ROBO1: variants seen among roughly 807,000 people sequenced by gnomAD.
ROBO1 encodes the protein roundabout guidance receptor 1, also known as roundabout homolog 1.
ROBO1 carries 149 observed loss-of-function variants against 195.9 expected under a neutral mutation model. The ratio of observed to expected loss-of-function variants is 0.76; its 90% CI spans 0.67 to 0.87. The LOEUF is 0.87. ROBO1 is among the 40% of genes least tolerant of loss of function. The probability of loss-of-function intolerance (pLI) is 0.00; values close to 1 mark genes in which losing one functional copy is unlikely to be tolerated. For synonymous variants in ROBO1, 816 were observed against 733.2 expected, an observed-to-expected ratio of 1.11 and a Z score of -1.82; for missense variants, 1,933 against 2,068.3, an observed-to-expected ratio of 0.93 and a Z score of 1.27.
At chr3:79,209,745 A>T (rs2081937820) in intron 2 of ROBO1, among the ~76,000 whole-genome samples, 2 of 152,138 alleles carry the variant, frequency 1.3e-5, no homozygotes, top group African/African-American at 4.8e-5. Context: ...GAGGAAGTCA[A>T]ATGGTTGCTG....
At chr3:79,312,109 T>C (rs1353375947) in intron 2 of ROBO1, among the ~76,000 whole-genome samples, 1 of 152,230 alleles carries the variant, frequency 6.6e-6, no homozygotes, top group Non-Finnish European at 1.5e-5. Flanking sequence ...CAGTATGTTC[T>C]GTAAACTTTA....
intron 3 of ROBO1, among the ~76,000 whole-genome samples, chr3:78,979,542 T>C (rs2076948953): frequency 6.6e-6 from 1 of 152,208 alleles, no homozygotes; most frequent in Non-Finnish European, 1.5e-5. Flanking sequence ...ATCTCTCACA[T>C]TTATATTAAG....
At chr3:78,955,372 C>G (rs1218283171) in intron 3 of ROBO1, among the ~76,000 whole-genome samples, 1 of 152,084 alleles carries the variant, frequency 6.6e-6, no homozygotes, top group East Asian at 1.9e-4. Context: ...CCAACCTTCA[C>G]CCTCCGGTAA....
intron 5 of ROBO1, among the ~76,000 whole-genome samples, chr3:78,727,126 A>G (rs1037185921): frequency 2.6e-5 from 4 of 152,196 alleles, no homozygotes; most frequent in African/African-American, 9.6e-5. Context: ...AAACATTGCT[A>G]GTACCATAAT....
chr3:79,746,580 G>C (rs62257316), intron 1 of ROBO1, among the ~76,000 whole-genome samples: 63,901 of 151,738 alleles, frequency 0.42, 13,652 homozygotes, highest in African/African-American at 0.47. Flanking sequence ...CACTTTTCCT[G>C]TCCTGATATC....
intron 2 of ROBO1, among the ~76,000 whole-genome samples, chr3:79,212,196 A>T: frequency 6.6e-6 from 1 of 152,148 alleles, no homozygotes. Flanking sequence ...CGTGGGCGTC[A>T]TGGCCATCAC....
intron 2 of ROBO1, among the ~76,000 whole-genome samples, chr3:79,312,822 A>C (rs564254143): frequency 6.6e-6 from 1 of 152,306 alleles, no homozygotes; most frequent in African/African-American, 2.4e-5. Context: ...ATAACAGAAT[A>C]CTTGCCCTTA....
At chr3:79,498,681 C>A (rs1939884130) in intron 2 of ROBO1, among the ~76,000 whole-genome samples, 1 of 151,958 alleles carries the variant, frequency 6.6e-6, no homozygotes, top group Non-Finnish European at 1.5e-5. Context: ...TGGTGAAACC[C>A]CGTCTCTACT....
At chr3:79,712,859 C>T (rs1267141640) in intron 1 of ROBO1, among the ~76,000 whole-genome samples, 1 of 151,976 alleles carries the variant, frequency 6.6e-6, no homozygotes, top group East Asian at 1.9e-4. Flanking sequence ...AAATCTATTC[C>T]CCCTGAGCTC....
At chr3:79,680,698 G>A (rs1946919728) in intron 1 of ROBO1, among the ~76,000 whole-genome samples, 2 of 152,106 alleles carry the variant, frequency 1.3e-5, no homozygotes, top group South Asian at 4.1e-4. Context: ...TCCCAAGAGA[G>A]TGTGTCTAAG....
At position 79,757,047 on chromosome 3, in the gene ROBO1, G is replaced by C. The variant is rs201873205; in HGVS notation, c.-51+10705C>G. On this transcript the variant is annotated intron_variant, in intron 1 of 30. Coordinates refer to ENST00000464233, the MANE Select transcript of ROBO1 (RefSeq NM_002941.4). ...CATTGTACATAATAGATCATTGTTT[G>C]TTTATTCATTCATTCATCCATAGAC... Among the ~76,000 whole-genome samples the C allele has an allele frequency of 2.0e-5, 3 of 151,864 alleles. No individual in the cohort carries two copies. In the East Asian group the frequency reaches 5.8e-4, roughly 29 times the overall value.
chr3:79,569,496 GT>G (rs1352806216), intron 2 of ROBO1, among the ~76,000 whole-genome samples: 2 of 152,016 alleles, frequency 1.3e-5, no homozygotes, highest in African/African-American at 4.8e-5. Flanking sequence ...GAATATACAA[GT>G]TTCAATGTTT....
At chr3:79,124,714 A>G (rs888751414) in intron 3 of ROBO1, among the ~76,000 whole-genome samples, 2 of 152,196 alleles carry the variant, frequency 1.3e-5, no homozygotes, top group Admixed American at 1.3e-4. Flanking sequence ...ATCTAATTCA[A>G]TGGGTTATAA....
intron 2 of ROBO1, among the ~76,000 whole-genome samples, chr3:79,242,423 C>T (rs1559759123): frequency 6.6e-6 from 1 of 152,060 alleles, no homozygotes; most frequent in Non-Finnish European, 1.5e-5. Flanking sequence ...AAACATGTTA[C>T]TGTTATGAAG....
intron 2 of ROBO1, among the ~76,000 whole-genome samples, chr3:79,522,381 C>A (rs911958808): frequency 1.9e-4 from 28 of 149,522 alleles, no homozygotes; most frequent in Non-Finnish European, 3.7e-4. Flanking sequence ...CTGCAACTGG[C>A]AAGCTTCTAT....
At chr3:79,761,632 G>T (rs2107523558) in intron 1 of ROBO1, among the ~76,000 whole-genome samples, 1 of 152,296 alleles carries the variant, frequency 6.6e-6, no homozygotes, top group East Asian at 1.9e-4. Flanking sequence ...GTTCACATGT[G>T]ATTACTGAAA....
chr3:78,820,711 C>A (rs114786741), intron 4 of ROBO1, among the ~76,000 whole-genome samples: 1 of 152,134 alleles, frequency 6.6e-6, no homozygotes, highest in Non-Finnish European at 1.5e-5. Context: ...TCAGCTAGTC[C>A]GAGAAGCCTC....
intron 2 of ROBO1, among the ~76,000 whole-genome samples, chr3:79,426,855 A>T (rs778683726): frequency 6.6e-6 from 1 of 152,200 alleles, no homozygotes; most frequent in Non-Finnish European, 1.5e-5. Flanking sequence ...TTTTGAAATA[A>T]TGAAAATGAA....
chr3:79,414,221 C>CCTCTTT (rs141124713), intron 2 of ROBO1, among the ~76,000 whole-genome samples: 2,025 of 150,916 alleles, frequency 0.013, 23 homozygotes, highest in African/African-American at 0.033. Flanking sequence ...CTCTCTCCCT[C>CCTCTTT]CTCTTTCTCT....
Sources: gnomAD v4.1 joint callset for allele counts (sites outside exome capture counted in the v4.1 genomes callset) on GRCh38, gnomAD v4.1.1 for gene constraint, MANE v1.5 for transcripts, NCBI Gene and HGNC (gene_info 2026-07-23, HGNC 2026-07-21) for gene names.